The following VPS54 variants were observed in gnomAD, a reference collection of about 807,000 sequenced individuals.
VPS54 encodes the protein VPS54 subunit of GARP complex.
A neutral mutation model predicts 121.5 loss-of-function variants in VPS54; 45 were observed. The observed-to-expected ratio is 0.37, with a 90% CI of 0.29 to 0.47. The LOEUF (loss-of-function observed/expected upper bound fraction) is 0.47. VPS54 is among the 20% of genes least tolerant of loss of function. The pLI is 0.99. For synonymous variants in VPS54, 371 were observed against 385.8 expected, an observed-to-expected ratio of 0.96 and a Z score of 0.45; for missense variants, 1,090 against 1,131.4, an observed-to-expected ratio of 0.96 and a Z score of 0.52.
Position 63,934,006 on chromosome 2 carries a change from A to C in VPS54, c.1406T>G (p.Leu469Ter). ...TIFLQRVKAT[L>*]NIIHSVVLSV... ...GAGAACAACACTGTGAATGATATTT[A>C]ATGTTGCCTACAAGAAAATAGGACA... Residue 469 changes from leucine (L) to a stop codon, truncating the protein, a stop_gained, in exon 12 of 23, where the codon TTA (leucine) becomes TGA (stop). Coordinates refer to ENST00000272322, the MANE Select transcript of VPS54 (RefSeq NM_016516.3). LOFTEE classifies it high-confidence loss of function. 1.2e-6 allele frequency: 2 copies of C among 1,610,094 alleles called. No individual in the cohort carries two copies. The highest frequency in any genetic ancestry group is 1.7e-4 in the Middle Eastern group (1 of 5,900).
intron 1 of VPS54, among the ~76,000 whole-genome samples, chr2:63,994,363 C>T (rs994724970): frequency 9.9e-5 from 15 of 152,158 alleles, no homozygotes; most frequent in South Asian, 4.2e-4. Flanking sequence ...ACTGATTTAC[C>T]GGCTACACAA....
intron 7 of VPS54, 38 bp from the exon 8 acceptor site, chr2:63,949,201 T>C (rs1324741449): frequency 6.3e-7 from 1 of 1,575,614 alleles, no homozygotes; most frequent in African/African-American, 1.4e-5. Context: ...TTATATTCAC[T>C]AAAAACTACA....
At chr2:64,008,492 G>A (rs1269663183) in intron 1 of VPS54, among the ~76,000 whole-genome samples, 1 of 152,052 alleles carries the variant, frequency 6.6e-6, no homozygotes, top group Non-Finnish European at 1.5e-5. Context: ...TGGGGCGAGA[G>A]GGGATGGGAA....
chr2:63,913,396 C>G (rs918981870), intron 17 of VPS54, 86 bp from the exon 18 acceptor site: 1 of 886,114 alleles, frequency 1.1e-6, no homozygotes, highest in Admixed American at 3.0e-5. Flanking sequence ...AAAATACATT[C>G]CCCTTTCCTC....
intron 18 of VPS54, among the ~76,000 whole-genome samples, 178 bp downstream of exon 18, chr2:63,913,045 T>C (rs1341567610): frequency 6.6e-6 from 1 of 152,182 alleles, no homozygotes; most frequent in Non-Finnish European, 1.5e-5. Flanking sequence ...TCGTAACCTT[T>C]TCCCCATGGT....
chr2:64,008,505 G>A (rs1031031468), intron 1 of VPS54, among the ~76,000 whole-genome samples: 1 of 152,086 alleles, frequency 6.6e-6, no homozygotes, highest in Admixed American at 6.5e-5. Context: ...GATGGGAAAA[G>A]GAGAGGCAAA....
intron 21 of VPS54, among the ~76,000 whole-genome samples, chr2:63,898,802 GGTAAAAAAGGGAATACTGAAAACTTCAAA>G (rs1271937366): frequency 8.5e-5 from 13 of 152,062 alleles, no homozygotes; most frequent in African/African-American, 2.7e-4. Flanking sequence ...AAACAAAACT[GGTAAAAAAGGGAATACTGAAAACTTCAAA>G]GTTCCAGGAG....
At chr2:63,990,809 T>A (rs1160496824) in intron 1 of VPS54, among the ~76,000 whole-genome samples, 2 of 152,232 alleles carry the variant, frequency 1.3e-5, no homozygotes, top group East Asian at 3.8e-4. Context: ...GGTACAAATG[T>A]GTCGTTATGT....
At chr2:64,005,307 GT>G (rs1678088903) in intron 1 of VPS54, among the ~76,000 whole-genome samples, 1 of 150,386 alleles carries the variant, frequency 6.6e-6, no homozygotes, top group African/African-American at 2.5e-5. Context: ...GTTTCACCGT[GT>G]TAGCCAAGAT....
At chr2:64,012,126 T>C (rs1296072480) in intron 1 of VPS54, among the ~76,000 whole-genome samples, 1 of 152,198 alleles carries the variant, frequency 6.6e-6, no homozygotes, top group African/African-American at 2.4e-5. Flanking sequence ...ATCTTAGCCC[T>C]GCTCTACTTT....
chr2:63,899,720 TG>T (rs1299864364), intron 20 of VPS54, 139 bp from the exon 21 acceptor site: 2 of 653,906 alleles, frequency 3.1e-6, no homozygotes, highest in Non-Finnish European at 5.2e-6. Flanking sequence ...TTTTCAACTG[TG>T]ATCTGCGCTA....
At chr2:63,943,203 A>C (rs1055339679) in intron 10 of VPS54, among the ~76,000 whole-genome samples, 5 of 152,250 alleles carry the variant, frequency 3.3e-5, no homozygotes, top group Non-Finnish European at 5.9e-5. Context: ...TTGATAGTTG[A>C]CAGAAATCAT....
intron 5 of VPS54, 25 bp downstream of exon 5, chr2:63,968,932 T>G: frequency 6.3e-7 from 1 of 1,586,578 alleles, no homozygotes; most frequent in Non-Finnish European, 8.6e-7. Flanking sequence ...TATAAGGCAA[T>G]TTTCTCATGT....
rs760397437 is a variant in VPS54 at position 63,897,561 on chromosome 2, A to G, written c.2763T>C (p.Tyr921=). Residue 921 remains tyrosine (Y), a synonymous_variant, in exon 22 of 23, where the codon TAT becomes TAC. Transcript: ENST00000272322. ...QMLFLRINAS[Y]KLHLKKQLSH... ...ATAACTGCTTTTTCAAGTGGAGTTT[A>G]TAACTTGCATTAATTCTTAAAAATA... The G allele has an allele frequency of 2.5e-6, 4 of 1,590,246 alleles. No homozygotes were observed. Among genetic ancestry groups the G allele is most frequent in the East Asian group, 4.5e-5 (2 of 44,478 alleles).
At chr2:63,949,379 A>G (rs915434174) in intron 7 of VPS54, among the ~76,000 whole-genome samples, 2 of 152,190 alleles carry the variant, frequency 1.3e-5, no homozygotes, top group Non-Finnish European at 2.9e-5. Context: ...CCCTTGAACA[A>G]CATGGGGGTT....
intron 1 of VPS54, among the ~76,000 whole-genome samples, chr2:64,004,781 G>A (rs569854463): frequency 1.6e-4 from 24 of 152,168 alleles, no homozygotes; most frequent in African/African-American, 5.3e-4. Flanking sequence ...TTATAACATA[G>A]TATTATTTCT....
chr2:63,917,029 A>T (rs1439580120), intron 15 of VPS54, 66 bp from the exon 16 acceptor site: 13 of 1,553,872 alleles, frequency 8.4e-6, no homozygotes, highest in Non-Finnish European at 1.1e-5. Context: ...GAAAAAGCTG[A>T]AGAAGATAAT....
At chr2:63,965,061 A>G (rs930341069) in intron 6 of VPS54, among the ~76,000 whole-genome samples, 5 of 152,348 alleles carry the variant, frequency 3.3e-5, no homozygotes, top group Admixed American at 6.5e-5. Context: ...AGCTACAAAA[A>G]CAATAGGAAT....
chr2:64,001,070 G>T (rs1023737757), intron 1 of VPS54, among the ~76,000 whole-genome samples: 2 of 152,196 alleles, frequency 1.3e-5, no homozygotes, highest in Non-Finnish European at 2.9e-5. Flanking sequence ...TACTGCAGCT[G>T]AGCTGGCCCT....
Sources: gnomAD v4.1 joint callset for allele counts (sites outside exome capture counted in the v4.1 genomes callset) on GRCh38, gnomAD v4.1.1 for gene constraint, MANE v1.5 for transcripts, NCBI Gene and HGNC (gene_info 2026-07-23, HGNC 2026-07-21) for gene names.